The following MCPH1 variants were observed in gnomAD, a reference collection of about 807,000 sequenced individuals.
MCPH1 encodes the protein microcephalin 1, also known as microcephalin.
MCPH1 carries 104 observed loss-of-function variants against 84.5 expected under a neutral mutation model. That is an observed-to-expected ratio of 1.23 (90% confidence interval 1.05 to 1.45). MCPH1 has a LOEUF of 1.45. Among genes scored for constraint, MCPH1 ranks in the 40% most tolerant of loss-of-function variants. The pLI, the probability that MCPH1 is intolerant of heterozygous loss-of-function variation, is 0.00. For synonymous variants in MCPH1, 514 were observed against 366.8 expected (o/e 1.40, Z -4.58); for missense variants, 1,498 against 1,005.7 (o/e 1.49, Z -6.62).
intron 12 of MCPH1, among the ~76,000 whole-genome samples, chr8:6,592,820 ATT>A (rs67091563): frequency 0.38 from 50,777 of 134,214 alleles, 9,286 homozygotes; most frequent in East Asian, 0.48. Flanking sequence ...ACACCTGGCA[ATT>A]TTTTTTTTTT....
chr8:6,528,736 G>A (rs1563351353), intron 12 of MCPH1, among the ~76,000 whole-genome samples: 2 of 152,254 alleles, frequency 1.3e-5, no homozygotes, highest in Non-Finnish European at 2.9e-5. Context: ...ACATGCAAAT[G>A]TCAGTCAGCA....
chr8:6,504,242 C>CCA (rs1563302877), intron 12 of MCPH1, among the ~76,000 whole-genome samples: 1 of 134,898 alleles, frequency 7.4e-6, no homozygotes, highest in East Asian at 2.3e-4. Context: ...GGCGTGAACC[C>CCA]GGGAGGCGGA....
At chr8:6,463,804 G>A (rs745535707) in intron 9 of MCPH1, among the ~76,000 whole-genome samples, 8 of 152,212 alleles carry the variant, frequency 5.3e-5, no homozygotes, top group Admixed American at 3.3e-4. Flanking sequence ...CTTCACTGCT[G>A]TAATGGAGAC....
chr8:6,417,402 ACTTT>A (rs1799470683), intron 3 of MCPH1, among the ~76,000 whole-genome samples: 1 of 23,872 alleles, frequency 4.2e-5, no homozygotes. Context: ...GTGGCAGCAA[ACTTT>A]ACTTATAAGT....
At chr8:6,550,186 G>C (rs1823379089) in intron 12 of MCPH1, among the ~76,000 whole-genome samples, 1 of 152,214 alleles carries the variant, frequency 6.6e-6, no homozygotes, top group Non-Finnish European at 1.5e-5. Flanking sequence ...CCTGGCGTCG[G>C]CTCCATCTCC....
rs1279485082 is a variant in MCPH1 at position 6,425,386 on chromosome 8, AC to A, written c.234-6109del. Among the ~76,000 whole-genome samples, 3 of 152,272 alleles carry A rather than the reference AC, an allele frequency of 2.0e-5. No individual in the cohort carries two copies. The South Asian group carries it at 6.2e-4, about 32-fold the overall frequency. ...TGTCTGTTCAGTAGATTTTGGTTGG[AC>A]CCCTGGTAAACATGGGTTTCAGTGT... On this transcript the variant is annotated intron_variant, in intron 3 of 13. Coordinates refer to ENST00000344683, the MANE Select transcript of MCPH1 (RefSeq NM_024596.5).
chr8:6,630,536 CTT>C (rs1444036192), intron 13 of MCPH1, among the ~76,000 whole-genome samples: 2 of 152,118 alleles, frequency 1.3e-5, no homozygotes, highest in Admixed American at 6.5e-5. Context: ...AATCCCAACA[CTT>C]TGGGAGGCTG....
chr8:6,513,943 T>C, intron 12 of MCPH1: 1 of 1,159,404 alleles, frequency 8.6e-7, no homozygotes, highest in East Asian at 2.5e-5. Flanking sequence ...AACTATCAAA[T>C]AGCAGAAATT....
chr8:6,601,052 G>T (rs1389416667), intron 12 of MCPH1, among the ~76,000 whole-genome samples: 1 of 152,170 alleles, frequency 6.6e-6, no homozygotes, highest in Non-Finnish European at 1.5e-5. Flanking sequence ...CTCCCTGTGG[G>T]CTGGGGGCTG....
intron 12 of MCPH1, among the ~76,000 whole-genome samples, chr8:6,526,881 A>AT (rs891585547): frequency 2.8e-4 from 43 of 151,630 alleles, no homozygotes; most frequent in Admixed American, 2.6e-3. Flanking sequence ...ATCCCCTACA[A>AT]TTTTTTTTCT....
chr8:6,472,415 C>G (rs902179493), intron 9 of MCPH1, among the ~76,000 whole-genome samples: 3 of 152,166 alleles, frequency 2.0e-5, no homozygotes, highest in Non-Finnish European at 4.4e-5. Context: ...AGTAAAAGCA[C>G]AAATACTTTT....
intron 12 of MCPH1, chr8:6,513,738 C>A: frequency 1.2e-6 from 2 of 1,613,926 alleles, no homozygotes; most frequent in African/African-American, 1.3e-5. Context: ...AGCCTCATTC[C>A]CTTCCCAGTC....
At chr8:6,472,338 T>A (rs920626668) in intron 9 of MCPH1, among the ~76,000 whole-genome samples, 1 of 152,264 alleles carries the variant, frequency 6.6e-6, no homozygotes, top group African/African-American at 2.4e-5. Context: ...ATTTGTCCCA[T>A]ATAACTTATC....
chr8:6,584,090 C>G (rs1307501123), intron 12 of MCPH1, among the ~76,000 whole-genome samples: 1 of 152,118 alleles, frequency 6.6e-6, no homozygotes, highest in Non-Finnish European at 1.5e-5. Flanking sequence ...TCCAACATTC[C>G]TGCCACAGTC....
intron 12 of MCPH1, among the ~76,000 whole-genome samples, chr8:6,557,507 A>C (rs1177511216): frequency 6.6e-6 from 1 of 152,126 alleles, no homozygotes; most frequent in African/African-American, 2.4e-5. Flanking sequence ...GAAAATTCTC[A>C]TTGTTAGGTT....
intron 3 of MCPH1, among the ~76,000 whole-genome samples, chr8:6,429,305 C>G (rs933449914): frequency 6.6e-6 from 1 of 152,110 alleles, no homozygotes; most frequent in South Asian, 2.1e-4. Context: ...ACCCAGTGCC[C>G]CCATTGGACA....
intron 5 of MCPH1, among the ~76,000 whole-genome samples, chr8:6,437,457 T>C (rs548330204): frequency 6.6e-5 from 10 of 152,186 alleles, no homozygotes; most frequent in African/African-American, 2.2e-4. Context: ...TCTCAAACTC[T>C]TGACCTCGTG....
intron 12 of MCPH1, among the ~76,000 whole-genome samples, chr8:6,598,411 G>A (rs1223947547): frequency 2.0e-5 from 3 of 152,168 alleles, no homozygotes; most frequent in Non-Finnish European, 4.4e-5. Context: ...ACCGGCCAGA[G>A]TGCAGCTCTG....
At chr8:6,595,114 C>A (rs1297443038) in intron 12 of MCPH1, among the ~76,000 whole-genome samples, 1 of 152,150 alleles carries the variant, frequency 6.6e-6, no homozygotes, top group African/African-American at 2.4e-5. Flanking sequence ...AACCTCGCTC[C>A]CCTATCAGTA....
Sources: gnomAD v4.1 joint callset for allele counts (sites outside exome capture counted in the v4.1 genomes callset) on GRCh38, gnomAD v4.1.1 for gene constraint, MANE v1.5 for transcripts, NCBI Gene and HGNC (gene_info 2026-07-23, HGNC 2026-07-21) for gene names.